The following CPNE7 variants were observed in gnomAD, a reference collection of about 807,000 sequenced individuals.
The protein encoded by CPNE7 is copine-7.
CPNE7 carries 78 observed loss-of-function variants against 66.5 expected under a neutral mutation model. The ratio of observed to expected loss-of-function variants is 1.17; its 90% confidence interval spans 0.98 to 1.42. The LOEUF is 1.42. Among genes scored for constraint, CPNE7 ranks in the 40% most tolerant of loss-of-function variants. The probability of loss-of-function intolerance (pLI) is 0.00; values close to 1 mark genes in which losing one functional copy is unlikely to be tolerated. For synonymous variants in CPNE7, 468 were observed against 336.7 expected, an observed-to-expected ratio of 1.39 and a Z score of -4.27; for missense variants, 1,012 against 776.6, an observed-to-expected ratio of 1.30 and a Z score of -3.60.
intron 2 of CPNE7, among the ~76,000 whole-genome samples, chr16:89,580,238 C>T (rs1396522235): frequency 2.7e-5 from 2 of 73,196 alleles, no homozygotes; most frequent in African/African-American, 8.0e-5. Flanking sequence ...ACATCTCCCC[C>T]ATCACACGGA....
Position 89,597,213 on chromosome 16 carries a change from T to C in CPNE7, c.*592T>C. 1 of 152,974 alleles carries C rather than the reference T, an allele frequency of 6.5e-6. No homozygotes were observed. The allele number at this position is 152,974 out of a possible 1,614,324, so 9.5% of individuals were successfully genotyped here. On this transcript the variant is annotated 3_prime_UTR_variant, in exon 15 of 15. Transcript: ENST00000319518. Reference sequence around the variant, plus strand: ...GGCCTGTGGGTTCTGCCGGTGGGGCTTCAGGAGTAATAAAGTGTCACCCTA... The same window carrying C: ...GGCCTGTGGGTTCTGCCGGTGGGGCCTCAGGAGTAATAAAGTGTCACCCTA...
chr16:89,589,314 A>C (rs1164433109), intron 10 of CPNE7, among the ~76,000 whole-genome samples: 1 of 152,154 alleles, frequency 6.6e-6, no homozygotes, highest in Non-Finnish European at 1.5e-5. Flanking sequence ...CTCTGCGAGG[A>C]AGGGCTGGGT....
chr16:89,587,585 G>A, intron 9 of CPNE7: 1 of 418,944 alleles, frequency 2.4e-6, no homozygotes, highest in Non-Finnish European at 4.9e-6. Context: ...AAACTGGAGT[G>A]AGCGTTTGAG....
intron 2 of CPNE7, among the ~76,000 whole-genome samples, chr16:89,581,513 C>T (rs2058959405): frequency 6.6e-6 from 1 of 151,868 alleles, no homozygotes; most frequent in African/African-American, 2.4e-5. Flanking sequence ...CTGCGTGACT[C>T]ATCCCCCTGC....
At chr16:89,588,923 C>G in intron 10 of CPNE7, 115 bp downstream of exon 10, 2 of 1,349,962 alleles carry the variant, frequency 1.5e-6, no homozygotes, top group Non-Finnish European at 2.0e-6. Flanking sequence ...CAGGTGCACC[C>G]GGCCGGTTTT....
chr16:89,589,393 C>T (rs966042576), intron 10 of CPNE7, among the ~76,000 whole-genome samples: 1 of 152,212 alleles, frequency 6.6e-6, no homozygotes, highest in African/African-American at 2.4e-5. Flanking sequence ...CCCGCTTTGC[C>T]AGAATAGCAA....
Position 89,596,586 on chromosome 16 carries a change from C to T in CPNE7, c.1642C>T (p.Pro548Ser), listed in dbSNP as rs766082221. The part of the protein sequence containing the change: ...RGLPPRSLGV[P>S]AGEASPGCTP ...CCTGCCCCCGAGAAGCCTGGGTGTC[C>T]CTGCCGGAGAGGCCAGCCCAGGCTG... The change falls in exon 15 of 15, where the codon CCT becomes TCT. Residue 548 changes from proline to serine, a missense_variant. Coordinates refer to ENST00000319518, the MANE Select transcript of CPNE7 (RefSeq NM_153636.3). 8.7e-6 allele frequency: 14 copies of T among 1,607,018 alleles called. No homozygotes were observed. Among genetic ancestry groups the T allele is most frequent in the Non-Finnish European group, 1.2e-5 (14 of 1,179,488 alleles).
chr16:89,583,465 C>T (rs1194819641), intron 2 of CPNE7: 1 of 1,550,736 alleles, frequency 6.4e-7, no homozygotes, highest in Non-Finnish European at 8.7e-7. Flanking sequence ...TCTGCCTCCC[C>T]TGGGCGACTG....
intron 13 of CPNE7, among the ~76,000 whole-genome samples, chr16:89,592,015 T>TC (rs1438273074): frequency 2.8e-5 from 4 of 144,310 alleles, no homozygotes; most frequent in African/African-American, 7.8e-5. Flanking sequence ...TTTTTGTTGT[T>TC]TTTTTTTTTT....
At chr16:89,591,849 C>A (rs1197777066) in intron 13 of CPNE7, among the ~76,000 whole-genome samples, 4 of 151,906 alleles carry the variant, frequency 2.6e-5, no homozygotes, top group African/African-American at 9.7e-5. Context: ...TACAGGCGCC[C>A]GCCACCACTT....
intron 9 of CPNE7, among the ~76,000 whole-genome samples, chr16:89,587,954 TGTTACCCACAGATACACGGCCCCC>T: frequency 7.4e-5 from 1 of 13,440 alleles, no homozygotes; most frequent in Non-Finnish European, 2.3e-4. Flanking sequence ...CGGCCCCCCG[TGTTACCCACAGATACACGGCCCCC>T]GTGTCACCCA....
chr16:89,595,019 G>C (rs1021413961), intron 13 of CPNE7, among the ~76,000 whole-genome samples: 1 of 152,086 alleles, frequency 6.6e-6, no homozygotes, highest in African/African-American at 2.4e-5. Flanking sequence ...TGGGCTGCAG[G>C]TCTGGCTCCT....
chr16:89,577,806 G>A (rs2151425620), intron 2 of CPNE7, 85 bp downstream of exon 2: 1 of 1,426,734 alleles, frequency 7.0e-7, no homozygotes, highest in South Asian at 1.3e-5. Flanking sequence ...AGCACCGCAG[G>A]GACCCTGCTG....
In CPNE7 at chr16:89,585,705, G is replaced by T; in HGVS notation, c.700G>T (p.Asp234Tyr). Reference protein sequence around the residue: ...RPLKCLVWDYDSRGKHDFIGE... With the variant: ...RPLKCLVWDYYSRGKHDFIGE... ...TCCCCAGTGCCTGGTCTGGGATTAC[G>T]ACTCTCGAGGAAAGCACGACTTCAT... is the stretch of plus-strand genomic sequence containing the variant. Residue 234 changes from aspartate (D) to tyrosine (Y), a missense_variant, in exon 7 of 15, where the codon GAC becomes TAC. By Grantham distance (160) the Asp-to-Tyr change is radical. Transcript: ENST00000319518. 1 of 1,551,336 alleles carries T rather than the reference G, an allele frequency of 6.4e-7. No homozygotes were observed. Among genetic ancestry groups the T allele is most frequent in the South Asian group, 1.2e-5 (1 of 84,338 alleles).
At chr16:89,595,645 T>C in intron 14 of CPNE7, 42 bp downstream of exon 14, 1 of 1,531,778 alleles carries the variant, frequency 6.5e-7, no homozygotes, top group East Asian at 2.3e-5. Context: ...GGCTTGGGGG[T>C]CCCTGTTCAT....
At chr16:89,579,746 C>T (rs2058919276) in intron 2 of CPNE7, among the ~76,000 whole-genome samples, 1 of 147,244 alleles carries the variant, frequency 6.8e-6, no homozygotes, top group Non-Finnish European at 1.5e-5. Flanking sequence ...CATCACCCAT[C>T]ACACAGAACA....
At chr16:89,595,644 G>T in intron 14 of CPNE7, 41 bp downstream of exon 14, 9 of 1,544,918 alleles carry the variant, frequency 5.8e-6, no homozygotes, top group Non-Finnish European at 8.0e-6. Context: ...CGGCTTGGGG[G>T]TCCCTGTTCA....
In CPNE7 at chr16:89,590,659, ACT is replaced by A. The variant is rs1398993441; in HGVS notation, c.1117-345_1117-344del. On this transcript the variant is annotated intron_variant, in intron 11 of 14. Transcript: ENST00000319518. ...GGTCTGCCTCCCTCTCTGTTTCATG[ACT>A]CTGCAGAACATGGTCACCCATGGGT... Among the ~76,000 whole-genome samples, 14 of 148,450 alleles carry A rather than the reference ACT, an allele frequency of 9.4e-5. No individual in the cohort carries two copies. In the South Asian group the frequency reaches 1.5e-3, roughly 16 times the overall value.
intron 9 of CPNE7, chr16:89,587,716 G>GC (rs2059081631): frequency 7.0e-6 from 1 of 143,548 alleles, no homozygotes; most frequent in Non-Finnish European, 1.7e-5. Context: ...CACCCCCATA[G>GC]CACCCCCGTG....
Sources: gnomAD v4.1 joint callset for allele counts (sites outside exome capture counted in the v4.1 genomes callset) on GRCh38, gnomAD v4.1.1 for gene constraint, MANE v1.5 for transcripts, NCBI Gene and HGNC (gene_info 2026-07-23, HGNC 2026-07-21) for gene names.